The following KIDINS220 variants were observed in gnomAD, a reference collection of about 807,000 sequenced individuals.
KIDINS220 encodes kinase D-interacting substrate of 220 kDa.
KIDINS220 carries 63 observed loss-of-function variants against 157.6 expected under a neutral mutation model. The ratio of observed to expected loss-of-function variants is 0.40; its 90% confidence interval spans 0.33 to 0.49. The LOEUF (loss-of-function observed/expected upper bound fraction) is 0.49. Among genes scored for constraint, KIDINS220 ranks in the 20% least tolerant of loss-of-function variants. The pLI, the probability that KIDINS220 is intolerant of heterozygous loss-of-function variation, is 0.66. For missense variants in KIDINS220, 1,772 were observed against 2,171.2 expected, an observed-to-expected ratio of 0.82 and a Z score of 3.65; for synonymous variants, 732 against 783.6, an observed-to-expected ratio of 0.93 and a Z score of 1.10.
chr2:8,737,471 T>C (rs775723350), intron 26 of KIDINS220, among the ~76,000 whole-genome samples: 4 of 152,250 alleles, frequency 2.6e-5, no homozygotes, highest in Non-Finnish European at 5.9e-5. Flanking sequence ...TTCTACAGAC[T>C]ACCTCAATGG....
chr2:8,785,618 A>G (rs973178315), intron 17 of KIDINS220, 123 bp downstream of exon 17: 12 of 869,384 alleles, frequency 1.4e-5, no homozygotes, highest in African/African-American at 1.4e-4. Flanking sequence ...TGAATGAACA[A>G]ATTAAACTAA....
chr2:8,776,478 A>G (rs1670970250), intron 21 of KIDINS220, among the ~76,000 whole-genome samples: 1 of 152,250 alleles, frequency 6.6e-6, no homozygotes, highest in Admixed American at 6.5e-5. Context: ...GAATAAAATT[A>G]TCTTTATAGT....
chr2:8,782,206 A>G (rs1482225057), intron 17 of KIDINS220, among the ~76,000 whole-genome samples: 1 of 152,110 alleles, frequency 6.6e-6, no homozygotes, highest in Non-Finnish European at 1.5e-5. Flanking sequence ...CAAAGTAATC[A>G]GAAGAAAAGA....
At chr2:8,753,976 G>C (rs1019005283) in intron 22 of KIDINS220, among the ~76,000 whole-genome samples, 4 of 152,154 alleles carry the variant, frequency 2.6e-5, no homozygotes, top group Non-Finnish European at 1.5e-5. Context: ...CATTAAAATC[G>C]TGTTCAAACT....
At chr2:8,745,559 G>A (rs926252099) in intron 26 of KIDINS220, among the ~76,000 whole-genome samples, 12 of 152,196 alleles carry the variant, frequency 7.9e-5, no homozygotes, top group African/African-American at 2.9e-4. Context: ...AGCACTTTGG[G>A]AGGCCAAGAC....
intron 20 of KIDINS220, among the ~76,000 whole-genome samples, chr2:8,777,437 T>C (rs1671115214): frequency 6.6e-6 from 1 of 152,172 alleles, no homozygotes; most frequent in Non-Finnish European, 1.5e-5. Flanking sequence ...TAGCTGGGAC[T>C]ACAGGCATGC....
intron 1 of KIDINS220, 129 bp from the exon 2 acceptor site, chr2:8,827,258 C>T: frequency 2.1e-6 from 1 of 482,222 alleles, no homozygotes; most frequent in Admixed American, 3.3e-5. Flanking sequence ...GATACGACTT[C>T]CCACGGCTTC....
intron 21 of KIDINS220, among the ~76,000 whole-genome samples, chr2:8,771,669 C>T (rs1232200073): frequency 6.6e-6 from 1 of 152,138 alleles, no homozygotes; most frequent in Non-Finnish European, 1.5e-5. Flanking sequence ...CCTTTCCCTA[C>T]TACTAACAGA....
intron 5 of KIDINS220, among the ~76,000 whole-genome samples, chr2:8,812,718 A>G (rs558803679): frequency 6.6e-6 from 1 of 152,346 alleles, no homozygotes; most frequent in East Asian, 1.9e-4. Context: ...AATACTCATA[A>G]TACATAATTG....
At chr2:8,747,546 T>C (rs766569146) in intron 25 of KIDINS220, 10 of 409,526 alleles carry the variant, frequency 2.4e-5, no homozygotes, top group Non-Finnish European at 4.0e-5. Flanking sequence ...TTACATACTA[T>C]AAAGGTACTG....
intron 29 of KIDINS220, among the ~76,000 whole-genome samples, chr2:8,732,221 A>G (rs2147948561): frequency 2.0e-5 from 3 of 152,322 alleles, no homozygotes; most frequent in Middle Eastern, 6.8e-3. Flanking sequence ...TAAAAGTATG[A>G]TTAAACACTG....
Position 8,802,878 on chromosome 2 carries a change from C to T in KIDINS220, c.801+52G>A, listed in dbSNP as rs1572719114. The T allele has an allele frequency of 9.0e-6, 13 of 1,441,966 alleles. No homozygotes were observed. In the East Asian group the frequency reaches 3.0e-4, roughly 33 times the overall value. The allele number at this position is 1,441,966 out of a possible 1,614,324, so 89.3% of individuals were successfully genotyped here. On this transcript the variant is annotated intron_variant, in intron 8 of 29. Coordinates refer to ENST00000256707, the MANE Select transcript of KIDINS220 (RefSeq NM_020738.4). ...TTGAAAGGTAATAAGACACTAAGGT[C>T]ACCTTTCATCCACTTCACCACTAGG...
chr2:8,774,638 G>A (rs954446366), intron 21 of KIDINS220, among the ~76,000 whole-genome samples: 28 of 152,164 alleles, frequency 1.8e-4, no homozygotes, highest in African/African-American at 6.8e-4. Flanking sequence ...ATTGCAGGAG[G>A]AGCCTTTTGA....
chr2:8,770,245 A>G (rs750978920), intron 22 of KIDINS220, among the ~76,000 whole-genome samples: 168 of 152,186 alleles, frequency 1.1e-3, no homozygotes, highest in Non-Finnish European at 1.8e-3. Context: ...CTCTACAAAA[A>G]AATAAAAAGA....
chr2:8,775,803 T>C (rs1670886940), intron 21 of KIDINS220, among the ~76,000 whole-genome samples: 1 of 152,118 alleles, frequency 6.6e-6, no homozygotes, highest in Non-Finnish European at 1.5e-5. Flanking sequence ...ATGGGAGTAA[T>C]TTTCGAGTGA....
intron 6 of KIDINS220, among the ~76,000 whole-genome samples, chr2:8,809,568 A>T (rs1675994384): frequency 6.6e-6 from 1 of 151,668 alleles, no homozygotes; most frequent in Admixed American, 6.6e-5. Flanking sequence ...GTTACTACTG[A>T]TCTCAGCTGC....
At chr2:8,788,850 C>T in intron 14 of KIDINS220, 38 bp from the exon 15 acceptor site, 1 of 1,580,696 alleles carries the variant, frequency 6.3e-7, no homozygotes, top group Non-Finnish European at 8.7e-7. Context: ...CCAAAGCAGT[C>T]ACTAGTCAAG....
At position 8,744,384 on chromosome 2, in the gene KIDINS220, AAAAAATATATATATATAATAT is replaced by A. The variant is rs1558328010; in HGVS notation, c.3585+2740_3585+2760del. Among the ~76,000 whole-genome samples the A allele has an allele frequency of 2.1e-3, 59 of 27,912 alleles. 3 individuals carry two copies. The South Asian group carries it at 0.023, about 11-fold the overall frequency. 18.3% of individuals were successfully genotyped at this position (27,912 alleles called of 152,430 possible). On this transcript the variant is annotated intron_variant, in intron 26 of 29. Transcript: ENST00000256707. ...ATGGCAAAAAAAAAAAAAAAAAAAA[AAAAAATATATATATATAATAT>A]ATATATATATATATATATATATATA...
rs556047336 is a variant in KIDINS220, at chr2:8,809,488, A to G, written c.504+2907T>C. 5.3e-5 allele frequency among the ~76,000 whole-genome samples: 8 copies of G among 151,536 alleles called. No individual in the cohort carries two copies. The South Asian group carries it at 1.7e-3, about 31-fold the overall frequency. On this transcript the variant is annotated intron_variant, in intron 6 of 29. Transcript: ENST00000256707. ...GGAGATTAATAATAATTATATAAAT[A>G]ATTATGTATTATAATTAAGAAAATA...
Sources: gnomAD v4.1 joint callset for allele counts (sites outside exome capture counted in the v4.1 genomes callset) on GRCh38, gnomAD v4.1.1 for gene constraint, MANE v1.5 for transcripts, NCBI Gene and HGNC (gene_info 2026-07-23, HGNC 2026-07-21) for gene names.